Variants in NFIX observed in about 807,000 individuals in gnomAD.
NFIX encodes the protein nuclear factor 1 X-type.
Under a neutral mutation model 53.3 loss-of-function variants are expected in NFIX, and 2 were observed. The ratio of observed to expected loss-of-function variants is 0.04; its 90% CI spans 0.02 to 0.12. NFIX has a LOEUF of 0.12. NFIX is among the 10% of genes least tolerant of loss of function. NFIX has a pLI of 1.00. For synonymous variants in NFIX, 244 were observed against 289.0 expected (o/e 0.84, Z 1.58); for missense variants, 310 against 674.5 (o/e 0.46, Z 5.99).
chr19:13,029,071 T>G (rs938927701), intron 2 of NFIX, among the ~76,000 whole-genome samples: 14 of 152,156 alleles, frequency 9.2e-5, no homozygotes, highest in African/African-American at 3.4e-4. Context: ...GCTCTTTTCT[T>G]TATCTAAACT....
At chr19:13,016,001 T>G (rs1379103540) in intron 1 of NFIX, among the ~76,000 whole-genome samples, 11 of 152,202 alleles carry the variant, frequency 7.2e-5, no homozygotes, top group Admixed American at 7.2e-4. Flanking sequence ...CTGTATAGCT[T>G]AAAAATTTAA....
At chr19:13,046,492 C>G (rs1445962561) in intron 2 of NFIX, among the ~76,000 whole-genome samples, 1 of 151,590 alleles carries the variant, frequency 6.6e-6, no homozygotes, top group African/African-American at 2.4e-5. Context: ...TTTGCCTTGA[C>G]AGCTCCAACC....
At chr19:13,050,664 T>C (rs1471523570) in intron 2 of NFIX, among the ~76,000 whole-genome samples, 3 of 152,112 alleles carry the variant, frequency 2.0e-5, no homozygotes, top group Non-Finnish European at 4.4e-5. Flanking sequence ...CAAATGAATA[T>C]AGAATCAAGG....
chr19:13,004,187 G>A (rs1280512883), intron 1 of NFIX, among the ~76,000 whole-genome samples: 3 of 151,988 alleles, frequency 2.0e-5, no homozygotes, highest in African/African-American at 7.3e-5. Flanking sequence ...CACAAAGAAT[G>A]ATCCAGCCCC....
At chr19:13,033,938 C>A (rs769339102) in intron 2 of NFIX, among the ~76,000 whole-genome samples, 1 of 152,206 alleles carries the variant, frequency 6.6e-6, no homozygotes, top group Non-Finnish European at 1.5e-5. Flanking sequence ...TGATTCCCTC[C>A]TCACAATGGT....
At chr19:13,024,914 GC>G (rs888200304) in intron 1 of NFIX, 106 bp from the exon 2 acceptor site, 12 of 1,444,810 alleles carry the variant, frequency 8.3e-6, no homozygotes, top group East Asian at 5.0e-5. Flanking sequence ...TTTTCCTTGT[GC>G]CCCCCCTTCT....
Position 12,998,717 on chromosome 19 carries a change from A to G in NFIX, c.27+2853A>G, listed in dbSNP as rs118040169. Among the ~76,000 whole-genome samples the G allele has an allele frequency of 0.027, 4,179 of 152,202 alleles. 68 individuals carry two copies. The highest frequency in any genetic ancestry group is 0.085 in the Middle Eastern group (25 of 294). On this transcript the variant is annotated intron_variant, in intron 1 of 10. Transcript: ENST00000592199. The surrounding 1 kb of genome is among the most constrained non-coding windows in gnomAD (Gnocchi z 4.4). ...GTGTCCTGTTCACACCGATGTCCAG[A>G]CCCACGACCATCGACGAGCCTACAG...
Position 13,078,867 on chromosome 19 carries a change from G to C in NFIX, c.1078+132G>C, listed in dbSNP as rs1326997004. ...CGCTCTCCAAGTGGGCCAAGGTGCA[G>C]CAGCGGGTGGGCATGGGAGCCGGCC... On this transcript the variant is annotated intron_variant, in intron 7 of 10. Transcript: ENST00000592199. This position sits in a 1 kb window ranked among gnomAD's most constrained non-coding sequence, Gnocchi z 4.7. 9 of 1,120,096 alleles carry C rather than the reference G, an allele frequency of 8.0e-6. No homozygotes were observed. Among genetic ancestry groups the C allele is most frequent in the Middle Eastern group, 3.0e-4 (1 of 3,350 alleles). The allele number at this position is 1,120,096 out of a possible 1,614,324, so 69.4% of individuals were successfully genotyped here.
Position 13,073,898 on chromosome 19 carries a change from C to G in NFIX, c.698-8C>G. 6.2e-7 allele frequency: 1 copy of G among 1,613,984 alleles called. No homozygotes were observed. ...CTCCAAACCTCATCACCCTCTCGTT[C>G]TTCCCAGCTCCTGTTGCAACAGCAT... On this transcript the variant is annotated splice_polypyrimidine_tract_variant and splice_region_variant and intron_variant, in intron 4 of 10. Coordinates refer to ENST00000592199, the MANE Select transcript of NFIX (RefSeq NM_001365902.3). The surrounding 1 kb of genome is among the most constrained non-coding windows in gnomAD (Gnocchi z 4.5).
chr19:13,022,895 G>A lies in NFIX; in HGVS notation c.28-2126G>A, dbSNP rs981151131. 6.6e-6 allele frequency among the ~76,000 whole-genome samples: 1 copy of A among 151,888 alleles called. No individual in the cohort carries two copies. Among genetic ancestry groups the A allele is most frequent in the Non-Finnish European group, 1.5e-5 (1 of 67,982 alleles). On this transcript the variant is annotated intron_variant, in intron 1 of 10. Transcript: ENST00000592199. This position sits in a 1 kb window ranked among gnomAD's most constrained non-coding sequence, Gnocchi z 4.5. ...CTGGAATGAAAAATTCATAACTGCT[G>A]GACTTTGCTTGTTCATTAGACGTGA...
intron 1 of NFIX, among the ~76,000 whole-genome samples, chr19:13,004,452 A>G (rs887349053): frequency 1.3e-5 from 2 of 152,062 alleles, no homozygotes; most frequent in African/African-American, 4.8e-5. Flanking sequence ...GTCCAGTGTT[A>G]CCCCAGCACA....
rs980553448 is a variant in NFIX, at chr19:13,002,161, G to A, written c.27+6297G>A. Among the ~76,000 whole-genome samples the A allele has an allele frequency of 1.3e-5, 2 of 152,066 alleles. No individual in the cohort carries two copies. Among genetic ancestry groups the A allele is most frequent in the African/African-American group, 2.4e-5 (1 of 41,498 alleles). ...CATCCCTCCGAGGCTCTGAGGGCGCGGATTTGGAAACTGAGGTCCCCCCTT... is the reference window on the plus strand; with the variant it reads ...CATCCCTCCGAGGCTCTGAGGGCGCAGATTTGGAAACTGAGGTCCCCCCTT... On this transcript the variant is annotated intron_variant, in intron 1 of 10. Coordinates refer to ENST00000592199, the MANE Select transcript of NFIX (RefSeq NM_001365902.3). The surrounding 1 kb of genome is among the most constrained non-coding windows in gnomAD (Gnocchi z 6.1).
At chr19:13,076,540 C>T (rs1388616674) in intron 6 of NFIX, among the ~76,000 whole-genome samples, 3 of 152,110 alleles carry the variant, frequency 2.0e-5, no homozygotes, top group Non-Finnish European at 4.4e-5. Context: ...GTGGTACAGC[C>T]CGTGTTTATC....
At chr19:12,999,905 C>G (rs2011615497) in intron 1 of NFIX, among the ~76,000 whole-genome samples, 1 of 152,238 alleles carries the variant, frequency 6.6e-6, no homozygotes, top group Admixed American at 6.5e-5. Context: ...CTGCCTGATT[C>G]ATGCCCACTG....
chr19:13,046,385 GCAGA>G (rs2014982939), intron 2 of NFIX, among the ~76,000 whole-genome samples: 2 of 152,084 alleles, frequency 1.3e-5, no homozygotes, highest in African/African-American at 4.8e-5. Flanking sequence ...TGTGTTTTCT[GCAGA>G]CAAAGCATGG....
chr19:13,017,752 G>C (rs539501592), intron 1 of NFIX, among the ~76,000 whole-genome samples: 187 of 152,324 alleles, frequency 1.2e-3, no homozygotes, highest in African/African-American at 4.2e-3. Flanking sequence ...ACAGTGTGCT[G>C]GGCACAGACC....
intron 1 of NFIX, among the ~76,000 whole-genome samples, chr19:13,016,590 C>T (rs557005450): frequency 7.0e-6 from 1 of 142,464 alleles, no homozygotes; most frequent in Admixed American, 7.2e-5. Context: ...GCCATTTATA[C>T]TTCGGTTTTC....
chr19:13,054,836 G>GCAGATGCACACCCTTCAGTCAC (rs1244229166), intron 2 of NFIX, among the ~76,000 whole-genome samples: 2 of 152,130 alleles, frequency 1.3e-5, no homozygotes, highest in African/African-American at 4.8e-5. Flanking sequence ...TCGAATGTCA[G>GCAGATGCACACCCTTCAGTCAC]CAGATGCACA....
rs2017995164 is a variant in NFIX, at chr19:13,089,300, G to C, written c.1403-999G>C. ...TGTGTCTGGTGCAGGGCAGCGGCGG[G>C]CCTTCCAGGTAACCTGTGACACTCC... On this transcript the variant is annotated intron_variant, in intron 9 of 10. Coordinates refer to ENST00000592199, the MANE Select transcript of NFIX (RefSeq NM_001365902.3). This position sits in a 1 kb window ranked among gnomAD's most constrained non-coding sequence, Gnocchi z 4.8. Among the ~76,000 whole-genome samples, 1 of 152,140 alleles carries C rather than the reference G, an allele frequency of 6.6e-6. No homozygotes were observed. Among genetic ancestry groups the C allele is most frequent in the South Asian group, 2.1e-4 (1 of 4,820 alleles).
Sources: gnomAD v4.1 joint callset for allele counts (sites outside exome capture counted in the v4.1 genomes callset) on GRCh38, gnomAD v4.1.1 for gene constraint, Gnocchi (gnomAD v3.1) non-coding constraint, MANE v1.5 for transcripts, NCBI Gene and HGNC (gene_info 2026-07-23, HGNC 2026-07-21) for gene names.